Variants in DIS3L2 observed in about 807,000 individuals in gnomAD.
DIS3L2 encodes the protein DIS3-like exonuclease 2.
DIS3L2 carries 34 observed loss-of-function variants against 97.5 expected under a neutral mutation model. The observed-to-expected ratio is 0.35, with a 90% CI of 0.27 to 0.46. The LOEUF (loss-of-function observed/expected upper bound fraction) is 0.46, where lower values mean the gene tolerates loss of function less well. DIS3L2 is among the 20% of genes least tolerant of loss of function. The pLI, the probability that DIS3L2 is intolerant of heterozygous loss-of-function variation, is 1.00. For synonymous variants in DIS3L2, 435 were observed against 445.2 expected (o/e 0.98, Z 0.29); for missense variants, 1,038 against 1,146.0 (o/e 0.91, Z 1.36).
chr2:231,983,997 G>A (rs1471677928), intron 1 of DIS3L2, among the ~76,000 whole-genome samples: 1 of 151,528 alleles, frequency 6.6e-6, no homozygotes, highest in Non-Finnish European at 1.5e-5. Flanking sequence ...GGCTATTTTT[G>A]TGTATTGTTT....
chr2:232,166,076 A>G (rs1690799509), intron 9 of DIS3L2, among the ~76,000 whole-genome samples: 1 of 75,080 alleles, frequency 1.3e-5, no homozygotes, highest in Admixed American at 1.3e-4. Flanking sequence ...TCTCTACAAT[A>G]AATAAATAAA....
intron 10 of DIS3L2, among the ~76,000 whole-genome samples, chr2:232,212,262 A>G (rs1692212495): frequency 6.6e-6 from 1 of 152,232 alleles, no homozygotes. Flanking sequence ...CTAGGCTGAA[A>G]GCCAGGTGAC....
intron 14 of DIS3L2, among the ~76,000 whole-genome samples, chr2:232,308,799 G>A (rs1695047850): frequency 6.6e-6 from 1 of 152,210 alleles, no homozygotes; most frequent in South Asian, 2.1e-4. Context: ...TGGGGGCTTA[G>A]CCTGCTTGGC....
At chr2:232,040,624 A>G (rs962467858) in intron 5 of DIS3L2, among the ~76,000 whole-genome samples, 2 of 152,182 alleles carry the variant, frequency 1.3e-5, no homozygotes, top group Non-Finnish European at 2.9e-5. Flanking sequence ...TAAATTACAA[A>G]TATGCATATA....
Position 232,253,188 on chromosome 2 carries a change from T to C in DIS3L2, c.1425+3842T>C, listed in dbSNP as rs568017886. On this transcript the variant is annotated intron_variant, in intron 12 of 20. Coordinates refer to ENST00000325385, the MANE Select transcript of DIS3L2 (RefSeq NM_152383.5). ...TGAGACATCATAAAATTAATAATTT[T>C]TACTCCTCTGTCCAGAGCATTCGGT... is the stretch of plus-strand genomic sequence containing the variant. Among the ~76,000 whole-genome samples, 14 of 152,306 alleles carry C rather than the reference T, an allele frequency of 9.2e-5. No homozygotes were observed. In the East Asian group the frequency reaches 2.7e-3, roughly 29 times the overall value.
chr2:232,086,222 TATAGACGTGTATACGTATATATACACAC>T (rs1696583638), intron 5 of DIS3L2, among the ~76,000 whole-genome samples: 1 of 151,754 alleles, frequency 6.6e-6, no homozygotes, highest in African/African-American at 2.4e-5. Context: ...TATACACACG[TATAGACGTGTATACGTATATATACACAC>T]GTATAGACGT....
intron 5 of DIS3L2, among the ~76,000 whole-genome samples, chr2:232,072,748 A>G (rs2106288542): frequency 6.6e-6 from 1 of 151,018 alleles, no homozygotes; most frequent in Non-Finnish European, 1.5e-5. Context: ...CAATGAAGGT[A>G]GAGCTGACAA....
At chr2:232,062,511 C>G (rs906337084) in intron 5 of DIS3L2, among the ~76,000 whole-genome samples, 5 of 152,230 alleles carry the variant, frequency 3.3e-5, no homozygotes, top group African/African-American at 1.2e-4. Flanking sequence ...CAAACTGCCC[C>G]TGATCTGACC....
At chr2:232,267,054 A>G (rs901784399) in intron 13 of DIS3L2, among the ~76,000 whole-genome samples, 4 of 152,166 alleles carry the variant, frequency 2.6e-5, no homozygotes, top group Non-Finnish European at 4.4e-5. Flanking sequence ...ATAGCCTCAG[A>G]ACTGTAGAGC....
intron 10 of DIS3L2, among the ~76,000 whole-genome samples, chr2:232,223,281 A>G (rs1050261638): frequency 6.6e-6 from 1 of 152,220 alleles, no homozygotes; most frequent in Admixed American, 6.5e-5. Flanking sequence ...TACACCAGAA[A>G]GAGCACTGCA....
intron 1 of DIS3L2, among the ~76,000 whole-genome samples, chr2:231,997,792 A>G (rs1468620196): frequency 1.3e-5 from 2 of 152,016 alleles, no homozygotes; most frequent in East Asian, 3.8e-4. Context: ...CTTATCCTCT[A>G]TTGTGTTTTT....
chr2:232,012,331 A>G (rs941005950), intron 1 of DIS3L2, among the ~76,000 whole-genome samples: 2 of 152,208 alleles, frequency 1.3e-5, no homozygotes, highest in Admixed American at 6.5e-5. Context: ...TTACTCACAC[A>G]AACTGGGATA....
chr2:231,977,442 G>A (rs570062337), intron 1 of DIS3L2, among the ~76,000 whole-genome samples: 60 of 152,170 alleles, frequency 3.9e-4, no homozygotes, highest in Non-Finnish European at 7.3e-4. Context: ...TTTATTGATT[G>A]TCTCAGCCTT....
intron 1 of DIS3L2, among the ~76,000 whole-genome samples, chr2:232,011,269 A>G (rs763047539): frequency 1.3e-5 from 2 of 152,160 alleles, no homozygotes; most frequent in African/African-American, 4.8e-5. Context: ...GTGTCAGGGT[A>G]GGAGTGCCCA....
chr2:232,091,942 T>G (rs1696850735), intron 6 of DIS3L2, among the ~76,000 whole-genome samples: 4 of 152,202 alleles, frequency 2.6e-5, no homozygotes. Context: ...GCCATTTGTC[T>G]GTCTTCCTCG....
intron 9 of DIS3L2, among the ~76,000 whole-genome samples, chr2:232,184,214 C>T (rs1691371507): frequency 1.3e-5 from 2 of 152,270 alleles, no homozygotes; most frequent in East Asian, 1.9e-4. Flanking sequence ...GAGGAGGCCT[C>T]TACTTTGCGA....
At chr2:232,334,558 C>G (rs1015929398) in intron 18 of DIS3L2, 59 bp downstream of exon 18, 60 of 1,606,928 alleles carry the variant, frequency 3.7e-5, no homozygotes, top group Non-Finnish European at 4.8e-5. Flanking sequence ...TCCTGGGCAC[C>G]TGCTCACCAG....
intron 6 of DIS3L2, among the ~76,000 whole-genome samples, chr2:232,089,363 G>A (rs770802259): frequency 2.0e-5 from 3 of 152,206 alleles, no homozygotes. Context: ...TGGTTTCCCT[G>A]TTTAGAGCTC....
intron 1 of DIS3L2, among the ~76,000 whole-genome samples, chr2:231,984,829 C>T (rs1693366696): frequency 6.6e-6 from 1 of 152,090 alleles, no homozygotes. Context: ...CCATGTTGGC[C>T]AGACTGGTCT....
Sources: allele counts gnomAD v4.1 joint callset (sites outside exome capture counted in the v4.1 genomes callset), GRCh38; gene constraint gnomAD v4.1.1; transcripts MANE v1.5; gene names NCBI Gene and HGNC (gene_info 2026-07-23, HGNC 2026-07-21).